The following PCLO variants were observed in gnomAD, a reference collection of about 807,000 sequenced individuals.
PCLO encodes piccolo presynaptic cytomatrix protein, also known as protein piccolo.
Under a neutral mutation model 427.5 loss-of-function variants are expected in PCLO, and 82 were observed. The ratio of observed to expected loss-of-function variants is 0.19; its 90% confidence interval spans 0.16 to 0.23. The LOEUF is 0.23. Ranked by LOEUF, PCLO falls within the 10% of genes least tolerant of loss-of-function variation. The pLI is 1.00. For synonymous variants in PCLO, 2,357 were observed against 2,155.4 expected (o/e 1.09, Z -2.59); for missense variants, 6,239 against 6,115.9 (o/e 1.02, Z -0.67).
intron 6 of PCLO, among the ~76,000 whole-genome samples, chr7:82,936,404 A>G (rs1251951606): frequency 6.6e-6 from 1 of 151,794 alleles, no homozygotes; most frequent in African/African-American, 2.4e-5. Flanking sequence ...ATGGCTGAGA[A>G]GCACCTAAAA....
intron 22 of PCLO, among the ~76,000 whole-genome samples, chr7:82,765,786 T>C (rs1790519813): frequency 6.6e-6 from 1 of 152,040 alleles, no homozygotes; most frequent in Non-Finnish European, 1.5e-5. Flanking sequence ...AAATCTATCT[T>C]TTTTTAAAAG....
chr7:83,050,891 C>T (rs1375451018), intron 3 of PCLO, among the ~76,000 whole-genome samples: 13 of 151,910 alleles, frequency 8.6e-5, no homozygotes, highest in Admixed American at 8.5e-4. Flanking sequence ...CCAGCCTGGG[C>T]GACAAGAGTG....
intron 3 of PCLO, among the ~76,000 whole-genome samples, chr7:83,033,397 C>T (rs1381521520): frequency 6.6e-6 from 1 of 152,158 alleles, no homozygotes; most frequent in East Asian, 1.9e-4. Context: ...GGAAGCTGAA[C>T]ACCTGGTATC....
intron 4 of PCLO, among the ~76,000 whole-genome samples, chr7:82,959,720 C>A (rs1022394507): frequency 1.1e-4 from 16 of 152,148 alleles, no homozygotes; most frequent in Non-Finnish European, 2.2e-4. Flanking sequence ...TCACTCACTG[C>A]CTGGTCTCCT....
intron 6 of PCLO, among the ~76,000 whole-genome samples, chr7:82,946,042 T>C (rs1795193373): frequency 1.3e-5 from 2 of 152,204 alleles, no homozygotes; most frequent in South Asian, 2.1e-4. Flanking sequence ...TTGTCTTATC[T>C]GTAAGGGCTT....
In PCLO at chr7:82,823,998, G is replaced by A. The variant is rs569411772; in HGVS notation, c.14596+238C>T. 1.1e-4 allele frequency among the ~76,000 whole-genome samples: 16 copies of A among 152,260 alleles called. No homozygotes were observed. The South Asian group carries it at 3.1e-3, about 30-fold the overall frequency. On this transcript the variant is annotated intron_variant, in intron 19 of 24. Transcript: ENST00000333891. Reference sequence around the variant, plus strand: ...ATAGACCAAATAGCTCATTTTACATGTTGAAATTGGACAGTTAGAGAAGTG... The same window carrying A: ...ATAGACCAAATAGCTCATTTTACATATTGAAATTGGACAGTTAGAGAAGTG...
At position 82,952,376 on chromosome 7, in the gene PCLO, A is replaced by G. The variant is rs1314365103; in HGVS notation, c.8577T>C (p.Thr2859=). 2 of 1,613,900 alleles carry G rather than the reference A, an allele frequency of 1.2e-6. No homozygotes were observed. Among genetic ancestry groups the G allele is most frequent in the South Asian group, 2.2e-5 (2 of 91,086 alleles). The change falls in exon 5 of 25, where the codon ACT becomes ACC. Residue 2859 remains threonine, a synonymous_variant. Coordinates refer to ENST00000333891, the MANE Select transcript of PCLO (RefSeq NM_033026.6). ...TAGCCAATGTCACTGCATGTGCTGG[A>G]GTACCTAGAGATAAGTTTATTGGTG... ...EEAPINLSLG[T]PAHAVTLAIT...
chr7:83,066,625 T>C (rs1417963775), intron 3 of PCLO, among the ~76,000 whole-genome samples: 1 of 152,182 alleles, frequency 6.6e-6, no homozygotes, highest in East Asian at 1.9e-4. Flanking sequence ...ATACCTTTAA[T>C]TATGTTAGAC....
intron 4 of PCLO, among the ~76,000 whole-genome samples, chr7:82,964,378 C>T (rs1199312974): frequency 1.3e-5 from 2 of 151,918 alleles, no homozygotes; most frequent in Admixed American, 6.6e-5. Context: ...TTTGCATTTA[C>T]AGAGAGGCTT....
chr7:83,096,382 G>A (rs1186995898), intron 3 of PCLO, among the ~76,000 whole-genome samples: 2 of 151,988 alleles, frequency 1.3e-5, no homozygotes, highest in African/African-American at 4.8e-5. Flanking sequence ...TTTAAGCCCA[G>A]ACTCTGAAAA....
intron 10 of PCLO, among the ~76,000 whole-genome samples, chr7:82,864,693 T>C (rs1255846815): frequency 6.6e-6 from 1 of 152,156 alleles, no homozygotes; most frequent in Non-Finnish European, 1.5e-5. Context: ...TACTTTAATT[T>C]ATTCAGTTAT....
chr7:83,083,179 T>C (rs1790146230), intron 3 of PCLO, among the ~76,000 whole-genome samples: 2 of 152,018 alleles, frequency 1.3e-5, no homozygotes, highest in East Asian at 1.9e-4. Context: ...TTGAGAAATA[T>C]GTTTATCTTA....
intron 10 of PCLO, 92 bp from the exon 11 acceptor site, chr7:82,847,339 T>G: frequency 1.5e-6 from 1 of 682,272 alleles, no homozygotes; most frequent in Non-Finnish European, 2.5e-6. Flanking sequence ...CATTTAGAAG[T>G]CAACTCAGCA....
At chr7:83,145,574 G>A (rs75985524) in intron 2 of PCLO, among the ~76,000 whole-genome samples, 1 of 152,050 alleles carries the variant, frequency 6.6e-6, no homozygotes, top group Non-Finnish European at 1.5e-5. Flanking sequence ...CTGTGACTGT[G>A]CAAAAGTCAT....
chr7:83,025,968 A>G (rs1333752245), intron 3 of PCLO, among the ~76,000 whole-genome samples: 1 of 152,164 alleles, frequency 6.6e-6, no homozygotes, highest in Non-Finnish European at 1.5e-5. Context: ...TAAACATGGA[A>G]AGGAACAACC....
chr7:83,046,731 C>A, intron 3 of PCLO, among the ~76,000 whole-genome samples: 1 of 151,854 alleles, frequency 6.6e-6, no homozygotes, highest in East Asian at 1.9e-4. Flanking sequence ...ATCCAAGGCC[C>A]CAAACATAAA....
intron 22 of PCLO, among the ~76,000 whole-genome samples, chr7:82,785,945 T>C (rs1281115520): frequency 1.3e-5 from 2 of 152,154 alleles, no homozygotes; most frequent in East Asian, 3.9e-4. Flanking sequence ...TAGAGTTATA[T>C]GGTTCATGAG....
intron 10 of PCLO, among the ~76,000 whole-genome samples, chr7:82,849,771 T>C (rs967874899): frequency 5.3e-5 from 8 of 152,182 alleles, no homozygotes; most frequent in African/African-American, 1.9e-4. Context: ...TAATGTATCT[T>C]GTCATTTAAT....
rs766128778 is a variant in PCLO, at chr7:83,134,229, AT to A, written c.3300+20del. The A allele has an allele frequency of 9.5e-5, 64 of 675,378 alleles. 7 individuals carry two copies. The highest frequency in any genetic ancestry group is 5.6e-4 in the East Asian group (13 of 23,132). 41.8% of individuals were successfully genotyped at this position (675,378 alleles called of 1,614,324 possible). ...TCACCTCCATATGTAATATATATATATATATATATATATAACTTACCTCAGT... is the reference window on the plus strand; with the variant it reads ...TCACCTCCATATGTAATATATATATAATATATATATATAACTTACCTCAGT... On this transcript the variant is annotated intron_variant, in intron 3 of 24. Coordinates refer to ENST00000333891, the MANE Select transcript of PCLO (RefSeq NM_033026.6).
Sources: gnomAD v4.1 joint callset for allele counts (sites outside exome capture counted in the v4.1 genomes callset) on GRCh38, gnomAD v4.1.1 for gene constraint, MANE v1.5 for transcripts, NCBI Gene and HGNC (gene_info 2026-07-23, HGNC 2026-07-21) for gene names.